SGCD: variants seen among roughly 807,000 people sequenced by gnomAD.
The protein encoded by SGCD is delta-sarcoglycan.
A neutral mutation model predicts 36.6 loss-of-function variants in SGCD; 18 were observed. The observed-to-expected ratio is 0.49, with a 90% CI of 0.34 to 0.73. The LOEUF (loss-of-function observed/expected upper bound fraction) is 0.73, where lower values mean the gene tolerates loss of function less well. Ranked by LOEUF, SGCD falls within the 30% of genes least tolerant of loss-of-function variation. The probability of loss-of-function intolerance (pLI) is 0.01; values close to 1 mark genes in which losing one functional copy is unlikely to be tolerated. For synonymous variants in SGCD, 133 were observed against 130.6 expected (o/e 1.02, Z -0.12); for missense variants, 387 against 346.7 (o/e 1.12, Z -0.92).
At chr5:156,431,918 G>A (rs1477070963) in intron 3 of SGCD, among the ~76,000 whole-genome samples, 2 of 152,114 alleles carry the variant, frequency 1.3e-5, no homozygotes, top group Non-Finnish European at 2.9e-5. Context: ...GTTTCACCAT[G>A]TTGGCCAGTC....
chr5:156,406,800 A>ATATG (rs1231849572), intron 3 of SGCD, among the ~76,000 whole-genome samples: 1 of 73,186 alleles, frequency 1.4e-5, no homozygotes, highest in Non-Finnish European at 2.4e-5. Flanking sequence ...TTATATATAT[A>ATATG]TATATATATA....
At chr5:156,089,959 C>G (rs1234716467) in intron 1 of SGCD, among the ~76,000 whole-genome samples, 5 of 152,180 alleles carry the variant, frequency 3.3e-5, no homozygotes, top group African/African-American at 9.6e-5. Flanking sequence ...GCCCCAGACC[C>G]TGGGGCACTT....
chr5:156,594,875 T>C, intron 5 of SGCD, 57 bp from the exon 6 acceptor site: 1 of 1,155,546 alleles, frequency 8.7e-7, no homozygotes, highest in Non-Finnish European at 1.3e-6. Context: ...TAATGGTGTT[T>C]TCTCTCTCTC....
intron 1 of SGCD, among the ~76,000 whole-genome samples, chr5:155,909,866 C>G (rs1756595818): frequency 4.6e-5 from 7 of 151,718 alleles, no homozygotes; most frequent in Admixed American, 4.6e-4. Context: ...AAAGAGAATT[C>G]AAGATAACAT....
At chr5:156,231,882 C>T (rs1765029591) in intron 3 of SGCD, among the ~76,000 whole-genome samples, 1 of 152,184 alleles carries the variant, frequency 6.6e-6, no homozygotes, top group Non-Finnish European at 1.5e-5. Context: ...ATGGATCTCC[C>T]TACCTGGACT....
At chr5:155,886,548 G>A (rs1756009268) in intron 1 of SGCD, among the ~76,000 whole-genome samples, 1 of 152,122 alleles carries the variant, frequency 6.6e-6, no homozygotes, top group South Asian at 2.1e-4. Flanking sequence ...GTGTGTGCAT[G>A]CATGTGCAGC....
intron 1 of SGCD, among the ~76,000 whole-genome samples, chr5:156,042,494 T>C (rs867272208): frequency 2.0e-5 from 3 of 152,212 alleles, no homozygotes; most frequent in Non-Finnish European, 4.4e-5. Flanking sequence ...AGAAAGAGTT[T>C]AATTCATGCA....
At chr5:156,222,048 A>C (rs1346754136) in intron 3 of SGCD, among the ~76,000 whole-genome samples, 1 of 151,994 alleles carries the variant, frequency 6.6e-6, no homozygotes, top group Non-Finnish European at 1.5e-5. Context: ...GGTTAAGCTT[A>C]TTTTGCATGG....
intron 1 of SGCD, among the ~76,000 whole-genome samples, chr5:156,075,948 T>G (rs943997573): frequency 1.3e-5 from 2 of 152,178 alleles, no homozygotes; most frequent in African/African-American, 4.8e-5. Flanking sequence ...TCCACACAGA[T>G]GGAATCCTAA....
At chr5:156,618,510 A>G (rs1762102807) in intron 6 of SGCD, among the ~76,000 whole-genome samples, 1 of 151,924 alleles carries the variant, frequency 6.6e-6, no homozygotes, top group Non-Finnish European at 1.5e-5. Flanking sequence ...ATACTTAATG[A>G]GAAAAAGCAA....
chr5:155,985,920 A>G (rs1488752708), intron 1 of SGCD, among the ~76,000 whole-genome samples: 1 of 152,230 alleles, frequency 6.6e-6, no homozygotes, highest in Non-Finnish European at 1.5e-5. Context: ...GCAGAAGGCA[A>G]TAGGTTTTTG....
chr5:156,229,273 C>CATATATATATATATAT (rs1383896091), intron 3 of SGCD, among the ~76,000 whole-genome samples: 34 of 8,570 alleles, frequency 4.0e-3, no homozygotes, highest in African/African-American at 4.6e-3. Context: ...TATATATATA[C>CATATATATATATATAT]ATACATATAT....
At chr5:156,385,364 C>A (rs904024219) in intron 3 of SGCD, among the ~76,000 whole-genome samples, 1 of 152,154 alleles carries the variant, frequency 6.6e-6, no homozygotes, top group Non-Finnish European at 1.5e-5. Context: ...GGGTTCCCTG[C>A]ACATATTTTT....
chr5:156,635,959 A>T lies in SGCD; in HGVS notation c.503-11505A>T, dbSNP rs184420049. ...TAAATGACGAGTTAATGGGTGCAGC[A>T]CACCAACATGGCACATGTATACATA... On this transcript the variant is annotated intron_variant, in intron 6 of 8. Transcript: ENST00000337851. Among the ~76,000 whole-genome samples, 10 of 152,226 alleles carry T rather than the reference A, an allele frequency of 6.6e-5. No individual in the cohort carries two copies. The East Asian group carries it at 1.7e-3, about 26-fold the overall frequency.
chr5:155,820,905 A>T, the SGCD span, among the ~76,000 whole-genome samples: 1 of 152,104 alleles, frequency 6.6e-6, no homozygotes, highest in South Asian at 2.1e-4. Context: ...TTCAATTCTT[A>T]AGTCTCTGTA....
chr5:156,619,863 C>T (rs961102304), intron 6 of SGCD, among the ~76,000 whole-genome samples: 1 of 152,200 alleles, frequency 6.6e-6, no homozygotes, highest in Non-Finnish European at 1.5e-5. Flanking sequence ...CACCTCCTTG[C>T]TTGCACTCTA....
chr5:156,101,075 T>C (rs3097865), intron 1 of SGCD, among the ~76,000 whole-genome samples: 21,656 of 152,208 alleles, frequency 0.14, 1,710 homozygotes, highest in Admixed American at 0.2. Flanking sequence ...TACCTAAGGA[T>C]ACAGTGAGAA....
At chr5:156,501,726 T>C (rs537254744) in intron 3 of SGCD, among the ~76,000 whole-genome samples, 2 of 152,300 alleles carry the variant, frequency 1.3e-5, no homozygotes, top group South Asian at 2.1e-4. Flanking sequence ...ACTCCTATTC[T>C]GAGTTGAGTA....
chr5:156,113,487 C>A lies in SGCD; in HGVS notation c.-281-4391C>A, dbSNP rs747657866. 1.3e-5 allele frequency among the ~76,000 whole-genome samples: 2 copies of A among 152,190 alleles called. 1 individual carries two copies. Among genetic ancestry groups the A allele is most frequent in the Admixed American group, 1.3e-4 (2 of 15,270 alleles). ...TTGAGGTACAGAATATCAGCCTCAG[C>A]ATGCTGCCTACCTAAGATATTTTAG... On this transcript the variant is annotated intron_variant, in intron 1 of 9. Coordinates refer to the SGCD transcript ENST00000517913.
Sources: gnomAD v4.1 joint callset for allele counts (sites outside exome capture counted in the v4.1 genomes callset) on GRCh38, gnomAD v4.1.1 for gene constraint, MANE v1.5 for transcripts, NCBI Gene and HGNC (gene_info 2026-07-23, HGNC 2026-07-21) for gene names.